The following HDAC9 variants were observed in gnomAD, a reference collection of about 807,000 sequenced individuals.
HDAC9 encodes the protein MEF-2 interacting transcription repressor (MITR) protein.
In HDAC9, 41 loss-of-function variants were observed where a neutral mutation model predicts 139.4. The ratio of observed to expected loss-of-function variants is 0.29; its 90% confidence interval spans 0.23 to 0.38. The LOEUF (loss-of-function observed/expected upper bound fraction) is 0.38. Ranked by LOEUF, HDAC9 falls within the 10% of genes least tolerant of loss-of-function variation. The pLI is 1.00. For synonymous variants in HDAC9, 517 were observed against 476.2 expected (o/e 1.09, Z -1.12); for missense variants, 1,147 against 1,297.0 (o/e 0.88, Z 1.78).
intron 2 of HDAC9, among the ~76,000 whole-genome samples, chr7:18,240,506 GTA>G (rs1216047041): frequency 6.6e-6 from 1 of 152,070 alleles, no homozygotes; most frequent in African/African-American, 2.4e-5. Context: ...CAAACAGCTG[GTA>G]AGAGAATTCC....
chr7:18,184,992 C>G (rs1389579133), intron 2 of HDAC9, among the ~76,000 whole-genome samples: 1 of 152,088 alleles, frequency 6.6e-6, no homozygotes, highest in African/African-American at 2.4e-5. Context: ...TGTGGTCTGC[C>G]TATGTAATTC....
chr7:18,259,757 A>G (rs1795521816), intron 2 of HDAC9, among the ~76,000 whole-genome samples: 1 of 152,220 alleles, frequency 6.6e-6, no homozygotes. Flanking sequence ...GAGGAAAAGA[A>G]TTTAATATTT....
chr7:18,965,781 GC>G (rs1488935462), intron 24 of HDAC9, among the ~76,000 whole-genome samples: 2 of 152,180 alleles, frequency 1.3e-5, no homozygotes, highest in Non-Finnish European at 2.9e-5. Flanking sequence ...GACATTTCTG[GC>G]CAATCATAGA....
intron 1 of HDAC9, among the ~76,000 whole-genome samples, chr7:18,438,532 G>T (rs1489323800): frequency 1.3e-5 from 2 of 152,042 alleles, no homozygotes; most frequent in Non-Finnish European, 2.9e-5. Context: ...AACACAATTG[G>T]AGAAAGATTA....
intron 1 of HDAC9, among the ~76,000 whole-genome samples, chr7:18,097,095 T>C (rs1782555931): frequency 6.6e-6 from 1 of 152,334 alleles, no homozygotes; most frequent in Admixed American, 6.5e-5. Context: ...ATGTGGCCAA[T>C]GGCCTGAATT....
chr7:18,893,105 A>G lies in HDAC9; in HGVS notation c.2803+18509A>G, dbSNP rs1230053083. Among the ~76,000 whole-genome samples, 4 of 152,002 alleles carry G rather than the reference A, an allele frequency of 2.6e-5. No individual in the cohort carries two copies. In the East Asian group the frequency reaches 7.7e-4, roughly 29 times the overall value. On this transcript the variant is annotated intron_variant, in intron 22 of 25. Coordinates refer to ENST00000686413, the MANE Select transcript of HDAC9 (RefSeq NM_178425.4). ...TTGTCATTACAGCAGTGAGAAGAAC[A>G]GACATGCAAACACCTTCATATCTAG... is the stretch of plus-strand genomic sequence containing the variant.
chr7:18,408,588 G>C, intron 1 of HDAC9, among the ~76,000 whole-genome samples: 1 of 152,072 alleles, frequency 6.6e-6, no homozygotes, highest in East Asian at 1.9e-4. Context: ...TGACTAGCTG[G>C]GCTGGGACTG....
intron 15 of HDAC9, among the ~76,000 whole-genome samples, chr7:18,764,889 A>G (rs2129159185): frequency 6.6e-6 from 1 of 150,876 alleles, no homozygotes; most frequent in South Asian, 2.1e-4. Flanking sequence ...GAGACCTGTC[A>G]GTCTTTGTAT....
intron 1 of HDAC9, among the ~76,000 whole-genome samples, chr7:18,335,063 G>C (rs1364240606): frequency 6.6e-6 from 1 of 151,454 alleles, no homozygotes; most frequent in Non-Finnish European, 1.5e-5. Flanking sequence ...TCAGACACCT[G>C]AAATATGGGA....
chr7:18,573,278 C>A (rs758974120), intron 2 of HDAC9, among the ~76,000 whole-genome samples: 1 of 152,158 alleles, frequency 6.6e-6, no homozygotes, highest in African/African-American at 2.4e-5. Context: ...TAAAATGATT[C>A]TTTTCATGTT....
chr7:18,801,386 G>A (rs1209255226), intron 17 of HDAC9, among the ~76,000 whole-genome samples: 1 of 152,014 alleles, frequency 6.6e-6, no homozygotes, highest in East Asian at 1.9e-4. Context: ...ATTTCTTAAT[G>A]TGATAAGTTA....
intron 2 of HDAC9, among the ~76,000 whole-genome samples, chr7:18,206,292 A>G (rs1410212516): frequency 6.6e-6 from 1 of 152,222 alleles, no homozygotes; most frequent in Non-Finnish European, 1.5e-5. Flanking sequence ...CACACATCAA[A>G]TAGCAATCAT....
intron 25 of HDAC9, 40 bp from the exon 26 acceptor site, chr7:18,995,983 A>C (rs1433663163): frequency 2.7e-6 from 4 of 1,500,734 alleles, no homozygotes; most frequent in Middle Eastern, 2.0e-4. Flanking sequence ...GTCATTGTGT[A>C]CTCTTATGCC....
intron 12 of HDAC9, among the ~76,000 whole-genome samples, chr7:18,698,779 G>A (rs547161851): frequency 1.4e-4 from 21 of 152,310 alleles, no homozygotes; most frequent in Admixed American, 9.8e-4. Context: ...ATTCAGGGAG[G>A]AGGCAACTCT....
At chr7:18,543,980 A>T (rs542382601) in intron 2 of HDAC9, among the ~76,000 whole-genome samples, 1 of 152,260 alleles carries the variant, frequency 6.6e-6, no homozygotes, top group Admixed American at 6.5e-5. Context: ...ATGCTGTATG[A>T]TAAAGTCCTG....
chr7:18,605,193 G>C (rs1835115313), intron 6 of HDAC9, among the ~76,000 whole-genome samples: 2 of 152,050 alleles, frequency 1.3e-5, no homozygotes, highest in Admixed American at 1.3e-4. Context: ...GTGTCCTGTA[G>C]CTCCCTCAGT....
At chr7:18,445,575 A>G (rs1792213444) in intron 1 of HDAC9, among the ~76,000 whole-genome samples, 1 of 152,214 alleles carries the variant, frequency 6.6e-6, no homozygotes, top group Admixed American at 6.5e-5. Context: ...ATTAATGTTC[A>G]TAGAATTTTC....
At chr7:18,622,680 T>C (rs1257838780) in intron 6 of HDAC9, among the ~76,000 whole-genome samples, 2 of 152,068 alleles carry the variant, frequency 1.3e-5, no homozygotes, top group Non-Finnish European at 2.9e-5. Context: ...CATCTTAATA[T>C]ATGAAATATG....
intron 24 of HDAC9, among the ~76,000 whole-genome samples, chr7:18,966,604 G>A (rs1164809864): frequency 1.3e-5 from 2 of 152,140 alleles, no homozygotes; most frequent in African/African-American, 2.4e-5. Context: ...ACGAGGCTGA[G>A]GCAGGAGAAT....
Sources: allele counts gnomAD v4.1 joint callset (sites outside exome capture counted in the v4.1 genomes callset), GRCh38; gene constraint gnomAD v4.1.1; transcripts MANE v1.5; gene names NCBI Gene and HGNC (gene_info 2026-07-23, HGNC 2026-07-21).